Variants in TBX15 observed in about 807,000 individuals in gnomAD.
The protein encoded by TBX15 is T-box transcription factor 15.
A neutral mutation model predicts 53.9 loss-of-function variants in TBX15; 18 were observed. The observed-to-expected ratio is 0.33, with a 90% confidence interval of 0.23 to 0.49. The LOEUF (loss-of-function observed/expected upper bound fraction) is 0.49. Among genes scored for constraint, TBX15 ranks in the 20% least tolerant of loss-of-function variants. TBX15 has a pLI of 0.98. For missense variants in TBX15, 692 were observed against 749.5 expected (o/e 0.92, Z 0.90); for synonymous variants, 295 against 278.0 (o/e 1.06, Z -0.61).
chr1:118,920,272 C>A (rs908348589), intron 5 of TBX15, among the ~76,000 whole-genome samples: 3 of 152,122 alleles, frequency 2.0e-5, no homozygotes, highest in African/African-American at 7.2e-5. Flanking sequence ...AGAGTGCAGT[C>A]CCCTAACAGT....
chr1:118,931,914 T>C, intron 1 of TBX15, 82 bp from the exon 2 acceptor site: 1 of 1,376,110 alleles, frequency 7.3e-7, no homozygotes. Context: ...GGGTGGGAAA[T>C]GCAATGAAGT....
At chr1:118,886,966 A>C (rs564509911) in intron 7 of TBX15, among the ~76,000 whole-genome samples, 1 of 152,044 alleles carries the variant, frequency 6.6e-6, no homozygotes, top group East Asian at 1.9e-4. Flanking sequence ...GTTCAATCCA[A>C]CCTCCTTCAG....
rs1655600481 is a variant in TBX15 at position 118,926,527 on chromosome 1, C to T, written c.504G>A (p.Val168=). The change falls in exon 3 of 8, where the codon GTG becomes GTA. Residue 168 remains valine (V), a synonymous_variant. Coordinates refer to ENST00000369429, the MANE Select transcript of TBX15 (RefSeq NM_001330677.2). Reference sequence around the variant, plus strand: ...ATTGTTACCTGTATCTTTTATTGTCCACAGGCACAATGTCCATTGCTATGT... The same window carrying T: ...ATTGTTACCTGTATCTTTTATTGTCTACAGGCACAATGTCCATTGCTATGT... ...QYYIAMDIVP[V]DNKRYRYVYH... is the part of the protein sequence containing the mutation. 1 of 1,613,650 alleles carries T rather than the reference C, an allele frequency of 6.2e-7. No individual in the cohort carries two copies. The highest frequency in any genetic ancestry group is 1.1e-5 in the South Asian group (1 of 91,044).
In TBX15 at chr1:118,883,493, T is replaced by C. The variant is rs1261342385; in HGVS notation, c.*1239A>G. 2 of 152,248 alleles carry C rather than the reference T, an allele frequency of 1.3e-5. No individual in the cohort carries two copies. Among genetic ancestry groups the C allele is most frequent in the Admixed American group, 6.5e-5 (1 of 15,282 alleles). The allele number at this position is 152,248 out of a possible 1,614,324, so 9.4% of individuals were successfully genotyped here. A position where few individuals can be genotyped will look rare whatever the true frequency, so the allele number is the denominator to read the frequency against. ...ATTCCCTGGGACATGAGGGGATATTTCCTGCCACAGGGATAGCGGGCAGGC... is the reference window on the plus strand; with the variant it reads ...ATTCCCTGGGACATGAGGGGATATTCCCTGCCACAGGGATAGCGGGCAGGC... On this transcript the variant is annotated 3_prime_UTR_variant, in exon 8 of 8. Coordinates refer to ENST00000369429, the MANE Select transcript of TBX15 (RefSeq NM_001330677.2).
At chr1:118,936,912 T>C (rs1655989735) in intron 1 of TBX15, among the ~76,000 whole-genome samples, 1 of 152,176 alleles carries the variant, frequency 6.6e-6, no homozygotes, top group Non-Finnish European at 1.5e-5. Context: ...GGTTACATAT[T>C]AATGGACCAA....
At chr1:118,923,051 A>C (rs1342392134) in intron 5 of TBX15, among the ~76,000 whole-genome samples, 3 of 151,820 alleles carry the variant, frequency 2.0e-5, no homozygotes, top group Non-Finnish European at 4.4e-5. Flanking sequence ...TGGTTGCTCC[A>C]AAGTCCTTGT....
chr1:118,985,005 C>T (rs1657781400), intron 1 of TBX15, among the ~76,000 whole-genome samples: 1 of 152,138 alleles, frequency 6.6e-6, no homozygotes, highest in Non-Finnish European at 1.5e-5. Flanking sequence ...CTAGAGTTGT[C>T]TAAAGATCGC....
At chr1:118,986,673 G>T (rs1485078601) in intron 1 of TBX15, among the ~76,000 whole-genome samples, 1 of 152,160 alleles carries the variant, frequency 6.6e-6, no homozygotes, top group Non-Finnish European at 1.5e-5. Context: ...CCCCAGCTCT[G>T]GCTGTTCAGC....
chr1:118,917,420 G>C (rs547410455), intron 5 of TBX15, among the ~76,000 whole-genome samples: 1 of 152,252 alleles, frequency 6.6e-6, no homozygotes, highest in South Asian at 2.1e-4. Flanking sequence ...GCCTGTCAGG[G>C]AGCAGGAGAG....
intron 1 of TBX15, among the ~76,000 whole-genome samples, chr1:118,939,116 G>A (rs528707184): frequency 1.3e-5 from 2 of 152,000 alleles, no homozygotes; most frequent in Non-Finnish European, 2.9e-5. Flanking sequence ...GTGAATTAAC[G>A]CAGGAGCAGG....
intron 1 of TBX15, among the ~76,000 whole-genome samples, chr1:118,938,970 C>G (rs1656055146): frequency 6.6e-6 from 1 of 152,076 alleles, no homozygotes; most frequent in Non-Finnish European, 1.5e-5. Flanking sequence ...ATGGCATCAA[C>G]CCAGGTGCCT....
In TBX15 at chr1:118,958,339, T is replaced by C. The variant is rs369862333; in HGVS notation, c.206-26507A>G. On this transcript the variant is annotated intron_variant, in intron 1 of 7. Transcript: ENST00000369429. ...CCCTGCTGTACCTTGACCTGGGACT[T>C]TTAGCCTTCAGAGCAGTGAGAAATA... Among the ~76,000 whole-genome samples, 18 of 152,316 alleles carry C rather than the reference T, an allele frequency of 1.2e-4. No individual in the cohort carries two copies. In the South Asian group the frequency reaches 3.7e-3, roughly 32 times the overall value.
intron 1 of TBX15, among the ~76,000 whole-genome samples, chr1:118,933,182 C>T (rs1429876811): frequency 1.3e-5 from 2 of 152,106 alleles, no homozygotes; most frequent in Non-Finnish European, 2.9e-5. Context: ...TTGTCACTGA[C>T]TTTTTTCTCT....
intron 1 of TBX15, among the ~76,000 whole-genome samples, chr1:118,966,841 A>C (rs1253150759): frequency 6.6e-6 from 1 of 152,256 alleles, no homozygotes; most frequent in African/African-American, 2.4e-5. Flanking sequence ...TTGAGAAAAT[A>C]AACTAATATA....
chr1:118,888,333 T>C lies in TBX15; in HGVS notation c.1025-2817A>G, dbSNP rs1259121280. Among the ~76,000 whole-genome samples the C allele has an allele frequency of 2.0e-5, 3 of 152,322 alleles. No homozygotes were observed. In the East Asian group the frequency reaches 5.8e-4, roughly 29 times the overall value. ...GCATATCTGTAACTGAGGTTTCAAA[T>C]AATATAAAGTGTGAATCGCCAACAA... is the stretch of plus-strand genomic sequence containing the variant. On this transcript the variant is annotated intron_variant, in intron 7 of 7. Transcript: ENST00000369429.
chr1:118,925,114 C>T lies in TBX15; in HGVS notation c.522-297G>A, dbSNP rs142817332. On this transcript the variant is annotated intron_variant, in intron 3 of 7. Coordinates refer to ENST00000369429, the MANE Select transcript of TBX15 (RefSeq NM_001330677.2). ...AACATTCTCACAGCCGTCTTCCTTTCTTCCCTCTCTCCATGCCGTGCACCC... is the reference window on the plus strand; with the variant it reads ...AACATTCTCACAGCCGTCTTCCTTTTTTCCCTCTCTCCATGCCGTGCACCC... Among the ~76,000 whole-genome samples the T allele has an allele frequency of 2.8e-4, 42 of 152,308 alleles. No individual in the cohort carries two copies. In the East Asian group the frequency reaches 5.4e-3, roughly 20 times the overall value.
intron 1 of TBX15, among the ~76,000 whole-genome samples, chr1:118,933,297 C>T (rs572959701): frequency 2.0e-5 from 3 of 152,106 alleles, no homozygotes; most frequent in Non-Finnish European, 4.4e-5. Context: ...CTCCATCTCC[C>T]TAATTCCTCA....
In TBX15 at chr1:118,987,857, C is replaced by A. The variant is rs1194088635; in HGVS notation, c.-62G>T. ...CTACCGAGGGAGCAGCCGGCGCCCT[C>A]AAGCTCTGAGCGCCCACCGGGCCCG... On this transcript the variant is annotated 5_prime_UTR_variant, in exon 1 of 8. Coordinates refer to ENST00000369429, the MANE Select transcript of TBX15 (RefSeq NM_001330677.2). 1.3e-6 allele frequency: 2 copies of A among 1,536,294 alleles called. No homozygotes were observed. Among genetic ancestry groups the A allele is most frequent in the Admixed American group, 2.0e-5 (1 of 50,638 alleles).
intron 1 of TBX15, among the ~76,000 whole-genome samples, chr1:118,980,062 A>G (rs191506766): frequency 1.7e-3 from 258 of 152,350 alleles, no homozygotes; most frequent in African/African-American, 5.8e-3. Context: ...CTGTTTTTCC[A>G]GAGATGGGTT....
Sources: gnomAD v4.1 joint callset for allele counts (sites outside exome capture counted in the v4.1 genomes callset) on GRCh38, gnomAD v4.1.1 for gene constraint, MANE v1.5 for transcripts, NCBI Gene and HGNC (gene_info 2026-07-23, HGNC 2026-07-21) for gene names.